TMEM213: variants seen among roughly 807,000 people sequenced by gnomAD.
TMEM213 encodes the protein transmembrane protein 213.
TMEM213 carries 7 observed loss-of-function variants against 11.6 expected under a neutral mutation model. The ratio of observed to expected loss-of-function variants is 0.60; its 90% CI spans 0.34 to 1.13. The LOEUF (loss-of-function observed/expected upper bound fraction) is 1.13. Among genes scored for constraint, TMEM213 ranks in the 50% most tolerant of loss-of-function variants. The pLI, the probability that TMEM213 is intolerant of heterozygous loss-of-function variation, is 0.03. For synonymous variants in TMEM213, 60 were observed against 58.3 expected (o/e 1.03, Z -0.13); for missense variants, 129 against 139.0 (o/e 0.93, Z 0.36).
intron 1 of TMEM213, among the ~76,000 whole-genome samples, chr7:138,801,058 T>C (rs1808926425): frequency 6.6e-6 from 1 of 152,128 alleles, no homozygotes. Context: ...TAGGACCTCA[T>C]TTAAGCTTAA....
intron 1 of TMEM213, among the ~76,000 whole-genome samples, chr7:138,800,857 G>A (rs575840364): frequency 1.2e-4 from 18 of 151,964 alleles, no homozygotes; most frequent in Middle Eastern, 3.4e-3. Context: ...GCACCACCAC[G>A]CCCGGCTGCT....
At chr7:138,801,488 G>A in intron 2 of TMEM213, 90 bp downstream of exon 2, 1 of 1,293,486 alleles carries the variant, frequency 7.7e-7, no homozygotes, top group Non-Finnish European at 1.1e-6. Context: ...GTTGATTGGT[G>A]TCAAGTGGGC....
chr7:138,801,721 C>T (rs965444907), intron 2 of TMEM213: 2 of 336,708 alleles, frequency 5.9e-6, no homozygotes, highest in African/African-American at 4.1e-5. Context: ...TCTAGTCCAA[C>T]TTCCACCCAA....
chr7:138,800,208 C>A (rs1808886959), intron 1 of TMEM213, among the ~76,000 whole-genome samples: 1 of 152,064 alleles, frequency 6.6e-6, no homozygotes, highest in South Asian at 2.1e-4. Context: ...GCAATGGAAC[C>A]CTTGGCATGG....
At chr7:138,800,701 CTTCT>C (rs373177837) in intron 1 of TMEM213, among the ~76,000 whole-genome samples, 49,788 of 123,570 alleles carry the variant, frequency 0.4, 9,524 homozygotes, top group East Asian at 0.53. Flanking sequence ...TCTTCTTCTT[CTTCT>C]TTTTTTTTTT....
rs1809054433 is a variant in TMEM213, at chr7:138,805,102, A to G, written c.*2033A>G. On this transcript the variant is annotated 3_prime_UTR_variant, in exon 3 of 3. Coordinates refer to ENST00000442682, the MANE Select transcript of TMEM213 (RefSeq NM_001085429.2). Reference sequence around the variant, plus strand: ...GGTTCATCTTGTAGTCTTCCAAAACAGCAGATAATTTCTGAATCTCAGATG... The same window carrying G: ...GGTTCATCTTGTAGTCTTCCAAAACGGCAGATAATTTCTGAATCTCAGATG... 1 of 152,174 alleles carries G rather than the reference A, an allele frequency of 6.6e-6. No homozygotes were observed. Among genetic ancestry groups the G allele is most frequent in the Admixed American group, 6.5e-5 (1 of 15,276 alleles). The allele number at this position is 152,174 out of a possible 1,614,324, so 9.4% of individuals were successfully genotyped here. A position where few individuals can be genotyped will look rare whatever the true frequency, so the allele number is the denominator to read the frequency against.
At chr7:138,802,166 A>T (rs1236276132) in intron 2 of TMEM213, among the ~76,000 whole-genome samples, 1 of 23,112 alleles carries the variant, frequency 4.3e-5, no homozygotes, top group East Asian at 2.3e-3. Flanking sequence ...ACTCCCTCTC[A>T]AAAAAAAAAG....
At chr7:138,802,751 G>A in intron 2 of TMEM213, 149 bp from the exon 3 acceptor site, 1 of 708,376 alleles carries the variant, frequency 1.4e-6, no homozygotes. Context: ...AAGCTAACGT[G>A]TAAAAGCACG....
chr7:138,801,210 G>T, intron 1 of TMEM213, 117 bp from the exon 2 acceptor site: 1 of 943,464 alleles, frequency 1.1e-6, no homozygotes, highest in Non-Finnish European at 1.6e-6. Context: ...TGCCCATGCG[G>T]GAGCTTCTAT....
At chr7:138,798,273 G>T in intron 1 of TMEM213, 87 bp downstream of exon 1, 1 of 1,152,856 alleles carries the variant, frequency 8.7e-7, no homozygotes, top group Non-Finnish European at 1.2e-6. Context: ...GGAGGAGGGG[G>T]AAGATTCTTT....
Position 138,802,919 on chromosome 7 carries a change from A to T in TMEM213, c.174A>T (p.Gln58His). ...CACCAGACGTGGACTTCTGCCCACAAGCAGCCCGGTGCTGCCGCACAGGAG... is the reference window on the plus strand; with the variant it reads ...CACCAGACGTGGACTTCTGCCCACATGCAGCCCGGTGCTGCCGCACAGGAG... ...EQCLNVDFCP[Q>H]AARCCRTGVD... Residue 58 changes from glutamine (Q) to histidine (H), a missense_variant, in exon 3 of 3, where the codon CAA (glutamine) becomes CAT (histidine). By Grantham distance (24) the Gln-to-His change is conservative. Transcript: ENST00000442682. 1 of 1,584,894 alleles carries T rather than the reference A, an allele frequency of 6.3e-7. No homozygotes were observed.
At position 138,805,920 on chromosome 7, in the gene TMEM213, T is replaced by A. The variant is rs1307486602; in HGVS notation, c.*2851T>A. 1 of 152,036 alleles carries A rather than the reference T, an allele frequency of 6.6e-6. No individual in the cohort carries two copies. The highest frequency in any genetic ancestry group is 1.5e-5 in the Non-Finnish European group (1 of 68,014). The allele number at this position is 152,036 out of a possible 1,614,324, so 9.4% of individuals were successfully genotyped here. On this transcript the variant is annotated 3_prime_UTR_variant, in exon 3 of 3. Coordinates refer to ENST00000442682, the MANE Select transcript of TMEM213 (RefSeq NM_001085429.2). ...TGAAGGGTCAGGGCACCAGTTGGTG[T>A]CTGAGATGCCCTCCAGTCTGGGGAA...
At position 138,805,760 on chromosome 7, in the gene TMEM213, A is replaced by C. The variant is rs2130273878; in HGVS notation, c.*2691A>C. On this transcript the variant is annotated 3_prime_UTR_variant, in exon 3 of 3. Transcript: ENST00000442682. ...CAGCAGTTTCAAGCTGAGTTGCAAA[A>C]GTTCATGGAACCATTTCAGTCGCTT... The C allele has an allele frequency of 6.6e-6, 1 of 152,334 alleles. No individual in the cohort carries two copies. The highest frequency in any genetic ancestry group is 2.4e-5 in the African/African-American group (1 of 41,578). 9.4% of individuals were successfully genotyped at this position (152,334 alleles called of 1,614,324 possible). A position where few individuals can be genotyped will look rare whatever the true frequency, so the allele number is the denominator to read the frequency against.
At position 138,804,883 on chromosome 7, in the gene TMEM213, A is replaced by T. The variant is rs1021254822; in HGVS notation, c.*1814A>T. On this transcript the variant is annotated 3_prime_UTR_variant, in exon 3 of 3. Coordinates refer to ENST00000442682, the MANE Select transcript of TMEM213 (RefSeq NM_001085429.2). ...AGAAAGGACAAAATGACTCCTTATG[A>T]AGCATTTTGTGCCTTCTGTGAGAAA... is the stretch of plus-strand genomic sequence containing the variant. The T allele has an allele frequency of 4.6e-5, 7 of 152,210 alleles. No individual in the cohort carries two copies. The highest frequency in any genetic ancestry group is 7.3e-5 in the Non-Finnish European group (5 of 68,040). 9.4% of individuals were successfully genotyped at this position (152,210 alleles called of 1,614,324 possible).
chr7:138,803,331 C>A lies in TMEM213; in HGVS notation c.*262C>A. ...CCCTCTGTAATGTATCCTGTTTTAA[C>A]CTTTCTTCTAGGCACCAAGGGAGGT... is the stretch of plus-strand genomic sequence containing the variant. On this transcript the variant is annotated 3_prime_UTR_variant, in exon 3 of 3. Coordinates refer to ENST00000442682, the MANE Select transcript of TMEM213 (RefSeq NM_001085429.2). 2 of 453,876 alleles carry A rather than the reference C, an allele frequency of 4.4e-6. No individual in the cohort carries two copies. The highest frequency in any genetic ancestry group is 8.0e-6 in the Non-Finnish European group (2 of 251,482). The allele number at this position is 453,876 out of a possible 1,614,324, so 28.1% of individuals were successfully genotyped here.
In TMEM213 at chr7:138,802,260, G is replaced by A. The variant is rs78284787; in HGVS notation, c.155-640G>A. 7.4e-4 allele frequency among the ~76,000 whole-genome samples: 112 copies of A among 151,660 alleles called. 1 individual carries two copies. In the East Asian group the frequency reaches 0.015, roughly 21 times the overall value. On this transcript the variant is annotated intron_variant, in intron 2 of 2. Transcript: ENST00000442682. ...ATGCATTAACTTAGGCACTTAAAAC[G>A]AAGGATAGGCTGGGCGTGGTGGCTC... is the stretch of plus-strand genomic sequence containing the variant.
rs1384504570 is a variant in TMEM213, at chr7:138,804,890, T to C, written c.*1821T>C. ...ACAAAATGACTCCTTATGAAGCATT[T>C]TGTGCCTTCTGTGAGAAAACATGTA... is the stretch of plus-strand genomic sequence containing the variant. On this transcript the variant is annotated 3_prime_UTR_variant, in exon 3 of 3. Transcript: ENST00000442682. 6.6e-6 allele frequency: 1 copy of C among 152,146 alleles called. No homozygotes were observed. Among genetic ancestry groups the C allele is most frequent in the African/African-American group, 2.4e-5 (1 of 41,440 alleles). 9.4% of individuals were successfully genotyped at this position (152,146 alleles called of 1,614,324 possible).
rs537981717 is a variant in TMEM213 at position 138,804,704 on chromosome 7, C to T, written c.*1635C>T. ...CTGCATTAGGAGCCTCCATTTTTCTCCAGATGGTTGAAATAACCAGCCTCT... is the reference window on the plus strand; with the variant it reads ...CTGCATTAGGAGCCTCCATTTTTCTTCAGATGGTTGAAATAACCAGCCTCT... On this transcript the variant is annotated 3_prime_UTR_variant, in exon 3 of 3. Transcript: ENST00000442682. The T allele has an allele frequency of 6.6e-6, 1 of 152,182 alleles. No individual in the cohort carries two copies. Among genetic ancestry groups the T allele is most frequent in the Non-Finnish European group, 1.5e-5 (1 of 68,046 alleles). 9.4% of individuals were successfully genotyped at this position (152,182 alleles called of 1,614,324 possible).
At position 138,804,466 on chromosome 7, in the gene TMEM213, T is replaced by C; in HGVS notation, c.*1397T>C. 1 of 152,204 alleles carries C rather than the reference T, an allele frequency of 6.6e-6. No individual in the cohort carries two copies. Among genetic ancestry groups the C allele is most frequent in the East Asian group, 1.9e-4 (1 of 5,194 alleles). 9.4% of individuals were successfully genotyped at this position (152,204 alleles called of 1,614,324 possible). On this transcript the variant is annotated 3_prime_UTR_variant, in exon 3 of 3. Coordinates refer to ENST00000442682, the MANE Select transcript of TMEM213 (RefSeq NM_001085429.2). ...ATGCTTGATCTGCCTGGAGCCTTCCTGGTCATCCTTGGGTGACCTGGAGCT... is the reference window on the plus strand; with the variant it reads ...ATGCTTGATCTGCCTGGAGCCTTCCCGGTCATCCTTGGGTGACCTGGAGCT...
Sources: gnomAD v4.1 joint callset for allele counts (sites outside exome capture counted in the v4.1 genomes callset) on GRCh38, gnomAD v4.1.1 for gene constraint, MANE v1.5 for transcripts, NCBI Gene and HGNC (gene_info 2026-07-23, HGNC 2026-07-21) for gene names.